The following DIAPH3 variants were observed in gnomAD, a reference collection of about 807,000 sequenced individuals.
DIAPH3 encodes the protein diaphanous related formin 3, also known as protein diaphanous homolog 3.
Under a neutral mutation model 144.3 loss-of-function variants are expected in DIAPH3, and 117 were observed. The observed-to-expected ratio is 0.81, with a 90% confidence interval of 0.70 to 0.95. DIAPH3 has a LOEUF of 0.95. Ranked by LOEUF, DIAPH3 falls within the 40% of genes least tolerant of loss-of-function variation. DIAPH3 has a pLI of 0.00. For synonymous variants in DIAPH3, 519 were observed against 488.9 expected (o/e 1.06, Z -0.81); for missense variants, 1,421 against 1,412.7 (o/e 1.01, Z -0.09).
intron 4 of DIAPH3, among the ~76,000 whole-genome samples, chr13:60,053,200 A>G (rs986551006): frequency 2.0e-5 from 3 of 151,988 alleles, no homozygotes; most frequent in African/African-American, 7.2e-5. Flanking sequence ...TTCATTTTAC[A>G]TAACTTCAAA....
intron 27 of DIAPH3, among the ~76,000 whole-genome samples, chr13:59,680,088 C>T (rs1455644570): frequency 1.3e-5 from 2 of 152,074 alleles, no homozygotes; most frequent in East Asian, 3.9e-4. Flanking sequence ...GCACCCTGAA[C>T]TCAGAAGTGT....
chr13:60,112,041 T>A lies in DIAPH3; in HGVS notation c.359A>T (p.Asn120Ile). 1 of 1,614,164 alleles carries A rather than the reference T, an allele frequency of 6.2e-7. No homozygotes were observed. Among genetic ancestry groups the A allele is most frequent in the African/African-American group, 1.3e-5 (1 of 75,058 alleles). ...MENFPKPLSE[N>I]ELLELFEKMM... Reference sequence around the variant, plus strand: ...TTTTTCAAAAAGTTCTAAGAGTTCATTCTCTGACAGTGGCTTTGGAAAGTT... The same window carrying A: ...TTTTTCAAAAAGTTCTAAGAGTTCAATCTCTGACAGTGGCTTTGGAAAGTT... The change falls in exon 3 of 28, where the codon AAT becomes ATT. Residue 120 changes from asparagine to isoleucine, a missense_variant. Transcript: ENST00000400324.
chr13:60,163,713 C>T lies in DIAPH3; in HGVS notation c.54G>A (p.Gly18=). ...LHHPAQGSAA[G]TPYPSSASLR... ...GAGAGGCTGAGGAAGGGTAGGGAGT[C>T]CCAGCGGCTGAGCCTTGGGCCGGGT... Residue 18 remains glycine, a synonymous_variant, in exon 1 of 28, where the codon GGG becomes GGA. Transcript: ENST00000400324. 6.2e-7 allele frequency: 1 copy of T among 1,607,994 alleles called. No individual in the cohort carries two copies. The highest frequency in any genetic ancestry group is 8.5e-7 in the Non-Finnish European group (1 of 1,176,640).
chr13:59,880,908 A>G (rs2044978959), intron 20 of DIAPH3, among the ~76,000 whole-genome samples: 1 of 151,020 alleles, frequency 6.6e-6, no homozygotes, highest in Non-Finnish European at 1.5e-5. Flanking sequence ...TCTACTTTAC[A>G]AGGCACTTTA....
chr13:59,879,213 A>G lies in DIAPH3; in HGVS notation c.2607+16T>C. 1 of 1,613,470 alleles carries G rather than the reference A, an allele frequency of 6.2e-7. No homozygotes were observed. The highest frequency in any genetic ancestry group is 1.7e-5 in the Admixed American group (1 of 59,952). ...AGTGTTCAGGCAAATATGTGTTTTT[A>G]AAAAAACAAACTCACTTTACAGAGA... On this transcript the variant is annotated intron_variant, in intron 21 of 27. Transcript: ENST00000400324.
intron 24 of DIAPH3, among the ~76,000 whole-genome samples, chr13:59,824,432 C>T (rs1278593693): frequency 6.6e-6 from 1 of 152,152 alleles, no homozygotes; most frequent in East Asian, 1.9e-4. Context: ...GATGCCAGAA[C>T]TTGCATCTCA....
intron 27 of DIAPH3, among the ~76,000 whole-genome samples, chr13:59,683,029 A>G (rs2033025022): frequency 6.6e-6 from 1 of 152,244 alleles, no homozygotes; most frequent in Non-Finnish European, 1.5e-5. Context: ...GTGTACTGCA[A>G]GGCACAAGAT....
intron 27 of DIAPH3, among the ~76,000 whole-genome samples, chr13:59,694,733 A>G (rs1055307845): frequency 6.6e-6 from 1 of 152,202 alleles, no homozygotes; most frequent in Non-Finnish European, 1.5e-5. Flanking sequence ...AAAGTAAAAA[A>G]AAAGTTACAG....
chr13:60,043,232 T>C (rs1031571242), intron 4 of DIAPH3, among the ~76,000 whole-genome samples: 1 of 152,180 alleles, frequency 6.6e-6, no homozygotes, highest in Non-Finnish European at 1.5e-5. Flanking sequence ...CATTCAACTA[T>C]CACTATAAGC....
chr13:59,878,188 T>A (rs2140046427), intron 21 of DIAPH3, among the ~76,000 whole-genome samples: 1 of 152,254 alleles, frequency 6.6e-6, no homozygotes, highest in South Asian at 2.1e-4. Flanking sequence ...ATGTGCCAAG[T>A]CTTCAGGATG....
At chr13:60,140,146 C>G (rs778194112) in intron 1 of DIAPH3, among the ~76,000 whole-genome samples, 3 of 152,204 alleles carry the variant, frequency 2.0e-5, no homozygotes, top group Non-Finnish European at 4.4e-5. Context: ...GTCCACAACA[C>G]AAATTTAGAT....
chr13:60,138,447 A>G (rs965748373), intron 1 of DIAPH3, among the ~76,000 whole-genome samples: 2 of 152,260 alleles, frequency 1.3e-5, no homozygotes, highest in African/African-American at 2.4e-5. Context: ...CATGAAGGGT[A>G]TAGATAAGAA....
chr13:59,703,820 T>C (rs375823308), intron 27 of DIAPH3, among the ~76,000 whole-genome samples: 4 of 152,296 alleles, frequency 2.6e-5, no homozygotes, highest in African/African-American at 9.6e-5. Context: ...GGATATTCTA[T>C]GTATATATTA....
intron 25 of DIAPH3, among the ~76,000 whole-genome samples, chr13:59,777,336 T>C (rs1419653247): frequency 1.3e-5 from 2 of 152,120 alleles, no homozygotes; most frequent in African/African-American, 2.4e-5. Flanking sequence ...AAAAGAATCA[T>C]GCATCCATAG....
At chr13:59,831,260 G>C (rs1326237844) in intron 24 of DIAPH3, among the ~76,000 whole-genome samples, 1 of 151,792 alleles carries the variant, frequency 6.6e-6, no homozygotes, top group Non-Finnish European at 1.5e-5. Context: ...AGGTCCCCAA[G>C]ACACCCTCAT....
chr13:59,964,056 G>A (rs1052174593), intron 17 of DIAPH3, among the ~76,000 whole-genome samples: 3 of 152,168 alleles, frequency 2.0e-5, no homozygotes, highest in African/African-American at 4.8e-5. Context: ...AATTGCCCTG[G>A]TGAAATGGAG....
At chr13:59,973,392 T>C (rs529153730) in intron 15 of DIAPH3, among the ~76,000 whole-genome samples, 1 of 152,056 alleles carries the variant, frequency 6.6e-6, no homozygotes, top group East Asian at 1.9e-4. Flanking sequence ...AATGTTTCTT[T>C]CAATATGAGA....
chr13:60,125,269 A>G (rs1040973866), intron 2 of DIAPH3, among the ~76,000 whole-genome samples: 1 of 152,084 alleles, frequency 6.6e-6, no homozygotes, highest in Non-Finnish European at 1.5e-5. Flanking sequence ...ACTGCAGTAC[A>G]GTGGCACAAT....
intron 27 of DIAPH3, among the ~76,000 whole-genome samples, chr13:59,740,108 T>A (rs1310461125): frequency 6.6e-6 from 1 of 152,214 alleles, no homozygotes; most frequent in East Asian, 1.9e-4. Context: ...ATATACACCA[T>A]TCACATTTTT....
Sources: allele counts gnomAD v4.1 joint callset (sites outside exome capture counted in the v4.1 genomes callset), GRCh38; gene constraint gnomAD v4.1.1; transcripts MANE v1.5; gene names NCBI Gene and HGNC (gene_info 2026-07-23, HGNC 2026-07-21).